WDFY4: variants seen among roughly 807,000 people sequenced by gnomAD.
WDFY4 encodes the protein WD repeat- and FYVE domain-containing protein 4.
Under a neutral mutation model 351.9 loss-of-function variants are expected in WDFY4, and 169 were observed. The ratio of observed to expected loss-of-function variants is 0.48; its 90% CI spans 0.42 to 0.55. The LOEUF is 0.55. WDFY4 is among the 20% of genes least tolerant of loss of function. The pLI is 0.00. For synonymous variants in WDFY4, 1,622 were observed against 1,574.6 expected (o/e 1.03, Z -0.71); for missense variants, 3,803 against 3,935.6 (o/e 0.97, Z 0.90).
intron 47 of WDFY4, among the ~76,000 whole-genome samples, chr10:48,916,387 T>C (rs1375935580): frequency 1.3e-5 from 2 of 152,178 alleles, no homozygotes; most frequent in Admixed American, 6.5e-5. Context: ...TGTTTGTTTG[T>C]TTGCTTGCTT....
rs551400575 is a variant in WDFY4, at chr10:48,738,605, C to T, written c.1878+2535C>T. ...ATGGAACCTCTTCCAGACTCGCCCA[C>T]CACTGAGTCACATGAGCAAGTGGTG... On this transcript the variant is annotated intron_variant, in intron 11 of 61. Transcript: ENST00000325239. 1.3e-4 allele frequency among the ~76,000 whole-genome samples: 20 copies of T among 152,312 alleles called. 2 individuals are homozygous for T. In the South Asian group the frequency reaches 3.5e-3, roughly 27 times the overall value.
intron 47 of WDFY4, among the ~76,000 whole-genome samples, chr10:48,922,329 G>C (rs1260901267): frequency 6.6e-6 from 1 of 152,178 alleles, no homozygotes; most frequent in East Asian, 1.9e-4. Flanking sequence ...TCGTCACTTA[G>C]TAGCTGTCCT....
At chr10:48,851,118 T>A (rs2068942831) in intron 39 of WDFY4, among the ~76,000 whole-genome samples, 1 of 152,192 alleles carries the variant, frequency 6.6e-6, no homozygotes, top group Non-Finnish European at 1.5e-5. Flanking sequence ...GAAGGGCATC[T>A]GGCCAGAATA....
At chr10:48,831,189 T>A (rs2133061534) in intron 38 of WDFY4, among the ~76,000 whole-genome samples, 1 of 152,268 alleles carries the variant, frequency 6.6e-6, no homozygotes, top group South Asian at 2.1e-4. Flanking sequence ...AGGTTCTAGG[T>A]CCTACCCTGT....
chr10:48,737,342 T>G (rs2064704819), intron 11 of WDFY4, among the ~76,000 whole-genome samples: 1 of 152,154 alleles, frequency 6.6e-6, no homozygotes, highest in African/African-American at 2.4e-5. Flanking sequence ...ATGATATATT[T>G]GATTGTTGGT....
chr10:48,862,052 A>T (rs1312938956), intron 39 of WDFY4, among the ~76,000 whole-genome samples: 1 of 152,100 alleles, frequency 6.6e-6, no homozygotes, highest in Non-Finnish European at 1.5e-5. Context: ...AGGCTCCCTA[A>T]TTTTTTAAAA....
chr10:48,743,303 G>A lies in WDFY4; in HGVS notation c.2214G>A (p.Lys738=). ...TGCTGCGCTCTTGGGTGGACACAAA[G>A]GCCAGGCCATTTGCAGATTTGCTGG... ...GNLLRSWVDT[K]ARPFADLLGT... The change falls in exon 12 of 62, where the codon AAG becomes AAA. Residue 738 remains lysine, a synonymous_variant. Coordinates refer to ENST00000325239, the MANE Select transcript of WDFY4 (RefSeq NM_001394531.1). The A allele has an allele frequency of 1.3e-6, 2 of 1,551,686 alleles. No homozygotes were observed. The highest frequency in any genetic ancestry group is 1.7e-4 in the Middle Eastern group (1 of 5,992).
At chr10:48,967,112 A>AG (rs141009420) in intron 55 of WDFY4, 17,454 of 159,122 alleles carry the variant, frequency 0.11, 1,447 homozygotes, top group African/African-American at 0.23. Context: ...TAAGCAGGGC[A>AG]GGGGACTAAG....
rs1014984941 is a variant in WDFY4 at position 48,836,219 on chromosome 10, A to G, written c.6663+3510A>G. ...ACAGCTGATTACACCTCAGTGAGCA[A>G]TGTAATTGATATTTTCTAATGTATC... On this transcript the variant is annotated intron_variant, in intron 39 of 61. Coordinates refer to ENST00000325239, the MANE Select transcript of WDFY4 (RefSeq NM_001394531.1). 9.9e-5 allele frequency among the ~76,000 whole-genome samples: 15 copies of G among 152,230 alleles called. No individual in the cohort carries two copies. In the South Asian group the frequency reaches 2.3e-3, roughly 23 times the overall value.
At position 48,787,936 on chromosome 10, in the gene WDFY4, CTTCTTCTTCTTCTT is replaced by C. The variant is rs1565199007; in HGVS notation, c.3809-593_3809-580del. Among the ~76,000 whole-genome samples, 130 of 98,354 alleles carry C rather than the reference CTTCTTCTTCTTCTT, an allele frequency of 1.3e-3. 3 individuals are homozygous for C. The highest frequency in any genetic ancestry group is 5.2e-3 in the South Asian group (14 of 2,676). The allele number at this position is 98,354 out of a possible 152,430, so 64.5% of individuals were successfully genotyped here. On this transcript the variant is annotated intron_variant, in intron 20 of 61. Transcript: ENST00000325239. ...TCTTCTTCTTCTTCTTCTTCTTCTT[CTTCTTCTTCTTCTT>C]CTTCTTCTTCTTCTTCTTCTTCTTC...
At chr10:48,719,724 C>T (rs564232795) in intron 2 of WDFY4, among the ~76,000 whole-genome samples, 4 of 152,284 alleles carry the variant, frequency 2.6e-5, no homozygotes, top group East Asian at 1.9e-4. Context: ...CATCCACCGA[C>T]GCCAGATGCA....
intron 48 of WDFY4, 103 bp from the exon 49 acceptor site, chr10:48,943,227 C>A: frequency 7.1e-7 from 1 of 1,401,006 alleles, no homozygotes; most frequent in Non-Finnish European, 9.6e-7. Context: ...CCTGTCCTCA[C>A]CCACAGAGCC....
intron 39 of WDFY4, among the ~76,000 whole-genome samples, chr10:48,842,094 A>T (rs2068626593): frequency 6.6e-6 from 1 of 152,010 alleles, no homozygotes; most frequent in South Asian, 2.1e-4. Context: ...TGATTTTTCC[A>T]GGAATAATTG....
chr10:48,706,480 C>T lies in WDFY4; in HGVS notation c.-17-3236C>T, dbSNP rs537786391. ...TTAGCTCCTCACTCTGCAGCAAATG[C>T]GCAGTGAGAAACAACAGAGATGCAC... On this transcript the variant is annotated intron_variant, in intron 1 of 61. Coordinates refer to ENST00000325239, the MANE Select transcript of WDFY4 (RefSeq NM_001394531.1). 2.5e-4 allele frequency among the ~76,000 whole-genome samples: 38 copies of T among 152,232 alleles called. 1 individual carries two copies. The South Asian group carries it at 7.5e-3, about 30-fold the overall frequency.
chr10:48,788,751 T>G (rs1469402917), intron 21 of WDFY4, 76 bp downstream of exon 21: 14 of 1,511,378 alleles, frequency 9.3e-6, no homozygotes, highest in Non-Finnish European at 1.2e-5. Context: ...AGTGCTTAAG[T>G]AAACACTATT....
intron 20 of WDFY4, among the ~76,000 whole-genome samples, chr10:48,787,900 CTTCTTCTT>C (rs2066502253): frequency 1.5e-4 from 4 of 27,216 alleles, no homozygotes; most frequent in South Asian, 1.4e-3. Flanking sequence ...TCTCCTTCTT[CTTCTTCTT>C]CTTCTTCTTC....
intron 12 of WDFY4, chr10:48,746,166 A>G (rs2065009333): frequency 6.6e-6 from 1 of 152,484 alleles, no homozygotes. Flanking sequence ...TGTATCAGTT[A>G]TTGAGAACGA....
intron 60 of WDFY4, 88 bp from the exon 61 acceptor site, chr10:48,981,279 T>C (rs1842794415): frequency 2.9e-6 from 3 of 1,026,310 alleles, no homozygotes; most frequent in East Asian, 5.3e-5. Context: ...AATATGTGCG[T>C]ATGTGTTTGC....
chr10:48,804,129 A>G (rs2067173493), intron 25 of WDFY4, among the ~76,000 whole-genome samples: 1 of 152,162 alleles, frequency 6.6e-6, no homozygotes, highest in African/African-American at 2.4e-5. Flanking sequence ...TCCCAAAGGG[A>G]GCCAGGGGCT....
Sources: gnomAD v4.1 joint callset for allele counts (sites outside exome capture counted in the v4.1 genomes callset) on GRCh38, gnomAD v4.1.1 for gene constraint, MANE v1.5 for transcripts, NCBI Gene and HGNC (gene_info 2026-07-23, HGNC 2026-07-21) for gene names.